PTPRG: variants seen among roughly 807,000 people sequenced by gnomAD.
PTPRG encodes receptor-type tyrosine-protein phosphatase gamma.
PTPRG carries 102 observed loss-of-function variants against 165.3 expected under a neutral mutation model. That is an observed-to-expected ratio of 0.62 (90% CI 0.53 to 0.73). PTPRG has a LOEUF of 0.73. PTPRG is among the 30% of genes least tolerant of loss of function. The pLI is 0.00. For synonymous variants in PTPRG, 675 were observed against 669.5 expected (o/e 1.01, Z -0.13); for missense variants, 1,866 against 1,861.4 (o/e 1.00, Z -0.05).
chr3:62,117,978 C>G (rs1702925842), intron 5 of PTPRG, among the ~76,000 whole-genome samples: 1 of 152,128 alleles, frequency 6.6e-6, no homozygotes, highest in South Asian at 2.1e-4. Flanking sequence ...GTAATTTCAT[C>G]AGTGAATTCT....
chr3:62,267,399 A>G lies in PTPRG; in HGVS notation c.2657-11A>G, dbSNP rs1228566385. The G allele has an allele frequency of 6.4e-7, 1 of 1,563,120 alleles. No individual in the cohort carries two copies. The highest frequency in any genetic ancestry group is 1.9e-5 in the Admixed American group (1 of 53,486). On this transcript the variant is annotated splice_polypyrimidine_tract_variant and intron_variant, in intron 17 of 29. Transcript: ENST00000474889. The stretch of plus-strand genomic sequence containing the variant: ...CATTTTATTTCTGTTTTTTTTTCTT[A>G]TCTTCTATAGATGATCACAGTAGGG...
intron 10 of PTPRG, among the ~76,000 whole-genome samples, chr3:62,197,650 T>C (rs375002978): frequency 1.3e-5 from 2 of 152,148 alleles, no homozygotes. Flanking sequence ...TTCGGACACA[T>C]AAATCATGAT....
At chr3:61,758,063 CTTTCTT>C (rs1031749900) in intron 2 of PTPRG, among the ~76,000 whole-genome samples, 6 of 152,114 alleles carry the variant, frequency 3.9e-5, no homozygotes, top group African/African-American at 1.4e-4. Context: ...CTTCTTTTTT[CTTTCTT>C]TTTTTCCATT....
rs531346517 is a variant in PTPRG at position 62,119,432 on chromosome 3, G to A, written c.616-13170G>A. On this transcript the variant is annotated intron_variant, in intron 5 of 29. Transcript: ENST00000474889. ...CTGAGGAATGAGCGGCCTAATCAGT[G>A]GGAACAATGCGGGCAAAGGCCTAGA... is the stretch of plus-strand genomic sequence containing the variant. 7.0e-4 allele frequency among the ~76,000 whole-genome samples: 107 copies of A among 152,292 alleles called. 1 individual carries two copies. Among genetic ancestry groups the A allele is most frequent in the African/African-American group, 2.5e-3 (105 of 41,572 alleles).
intron 1 of PTPRG, among the ~76,000 whole-genome samples, chr3:61,657,044 T>G (rs910049382): frequency 3.3e-5 from 5 of 152,210 alleles, no homozygotes; most frequent in African/African-American, 1.2e-4. Flanking sequence ...AATATCAGTT[T>G]TACGTGTCAC....
intron 5 of PTPRG, among the ~76,000 whole-genome samples, chr3:62,127,406 C>T (rs536308437): frequency 6.6e-6 from 1 of 152,284 alleles, no homozygotes; most frequent in Admixed American, 6.5e-5. Context: ...TTGCCCTTGT[C>T]CTCATACAGC....
At chr3:61,756,985 TTC>T (rs1191868020) in intron 2 of PTPRG, among the ~76,000 whole-genome samples, 1 of 152,180 alleles carries the variant, frequency 6.6e-6, no homozygotes, top group East Asian at 1.9e-4. Context: ...TTCTCAGAAT[TTC>T]TCTTTCTGAA....
chr3:62,130,070 C>T (rs1275432746), intron 5 of PTPRG, among the ~76,000 whole-genome samples: 1 of 152,084 alleles, frequency 6.6e-6, no homozygotes, highest in African/African-American at 2.4e-5. Context: ...TAAAACAGAT[C>T]GTTTTATGGG....
At chr3:61,635,469 ATC>A (rs1701884417) in intron 1 of PTPRG, among the ~76,000 whole-genome samples, 1 of 151,476 alleles carries the variant, frequency 6.6e-6, no homozygotes, top group Admixed American at 6.6e-5. Context: ...TGATCCTCCT[ATC>A]TCAGCTTTCT....
intron 2 of PTPRG, among the ~76,000 whole-genome samples, chr3:61,927,538 G>C (rs1388693228): frequency 6.6e-6 from 1 of 152,202 alleles, no homozygotes; most frequent in Non-Finnish European, 1.5e-5. Context: ...GTGTGGGCCA[G>C]AAGCCTCTAT....
chr3:61,573,293 G>C (rs1700101323), intron 1 of PTPRG, among the ~76,000 whole-genome samples: 1 of 152,216 alleles, frequency 6.6e-6, no homozygotes, highest in Non-Finnish European at 1.5e-5. Context: ...TATTAATAGA[G>C]TAGGATCTGA....
intron 5 of PTPRG, chr3:62,124,657 G>C (rs556287180): frequency 4.0e-6 from 3 of 750,558 alleles, no homozygotes; most frequent in East Asian, 5.0e-5. Context: ...CTGTCCTGAA[G>C]CTCAGGCCAC....
At chr3:61,631,836 AT>A (rs1329376026) in intron 1 of PTPRG, among the ~76,000 whole-genome samples, 8 of 152,200 alleles carry the variant, frequency 5.3e-5, no homozygotes, top group African/African-American at 1.7e-4. Flanking sequence ...AGGTACAGAT[AT>A]AAACAAGATG....
At chr3:61,832,880 C>T (rs2036341703) in intron 2 of PTPRG, among the ~76,000 whole-genome samples, 1 of 152,076 alleles carries the variant, frequency 6.6e-6, no homozygotes, top group Non-Finnish European at 1.5e-5. Context: ...GCTGAGTCCC[C>T]AAAGTCCAGC....
intron 2 of PTPRG, among the ~76,000 whole-genome samples, chr3:61,932,305 G>A (rs762542374): frequency 3.3e-5 from 5 of 152,142 alleles, no homozygotes; most frequent in Non-Finnish European, 7.3e-5. Context: ...TGTGGGCATC[G>A]GTGTTGAACA....
At chr3:61,835,655 A>G (rs1020347903) in intron 2 of PTPRG, among the ~76,000 whole-genome samples, 20 of 152,026 alleles carry the variant, frequency 1.3e-4, no homozygotes, top group African/African-American at 4.8e-4. Context: ...TAAGTCCTTA[A>G]TGGCCTGGCC....
intron 23 of PTPRG, 103 bp from the exon 24 acceptor site, chr3:62,275,770 G>T (rs1177755634): frequency 2.5e-6 from 2 of 796,410 alleles, no homozygotes; most frequent in Admixed American, 2.6e-5. Context: ...GCACAGAAAT[G>T]GTCTTGTTTA....
intron 1 of PTPRG, among the ~76,000 whole-genome samples, chr3:61,609,031 C>A (rs1040717571): frequency 5.3e-5 from 8 of 152,150 alleles, no homozygotes; most frequent in African/African-American, 1.7e-4. Context: ...TCAGCCTGAA[C>A]ATGATACGGA....
intron 2 of PTPRG, among the ~76,000 whole-genome samples, chr3:61,842,139 C>G (rs190690107): frequency 8.1e-4 from 124 of 152,288 alleles, no homozygotes; most frequent in African/African-American, 2.7e-3. Context: ...ATAAATGAGC[C>G]TGTCTCTGAG....
Sources: allele counts gnomAD v4.1 joint callset (sites outside exome capture counted in the v4.1 genomes callset), GRCh38; gene constraint gnomAD v4.1.1; transcripts MANE v1.5; gene names NCBI Gene and HGNC (gene_info 2026-07-23, HGNC 2026-07-21).